The following DLGAP2 variants were observed in gnomAD, a reference collection of about 807,000 sequenced individuals.
DLGAP2 encodes disks large-associated protein 2.
In DLGAP2, 26 loss-of-function variants were observed where a neutral mutation model predicts 100.3. The ratio of observed to expected loss-of-function variants is 0.26; its 90% CI spans 0.19 to 0.36. DLGAP2 has a LOEUF of 0.36. Among genes scored for constraint, DLGAP2 ranks in the 10% least tolerant of loss-of-function variants. DLGAP2 has a pLI of 1.00. For missense variants in DLGAP2, 1,858 were observed against 1,453.2 expected, an observed-to-expected ratio of 1.28 and a Z score of -4.53; for synonymous variants, 886 against 630.1, an observed-to-expected ratio of 1.41 and a Z score of -6.08.
chr8:1,618,712 C>T (rs779962318), intron 6 of DLGAP2, among the ~76,000 whole-genome samples: 15 of 152,166 alleles, frequency 9.9e-5, no homozygotes, highest in Non-Finnish European at 1.5e-5. Flanking sequence ...CTCTCAGCCT[C>T]AGCACTCTTG....
At chr8:895,606 C>T (rs1003282734) in intron 1 of DLGAP2, among the ~76,000 whole-genome samples, 1 of 152,114 alleles carries the variant, frequency 6.6e-6, no homozygotes, top group African/African-American at 2.4e-5. Context: ...ATGTTTGGGG[C>T]CATTGCAGTG....
intron 3 of DLGAP2, among the ~76,000 whole-genome samples, chr8:1,426,095 A>G (rs1462473275): frequency 6.6e-6 from 1 of 152,190 alleles, no homozygotes; most frequent in Non-Finnish European, 1.5e-5. Flanking sequence ...AGAAAGCGTC[A>G]GGGTAGGGCA....
chr8:1,027,451 G>A (rs7815770), intron 2 of DLGAP2, among the ~76,000 whole-genome samples: 5,727 of 148,872 alleles, frequency 0.038, 350 homozygotes, highest in African/African-American at 0.14. Context: ...CCAGGCGCTC[G>A]TTATTCTCCA....
chr8:1,481,874 C>G (rs888198951), intron 3 of DLGAP2, among the ~76,000 whole-genome samples: 6 of 152,192 alleles, frequency 3.9e-5, no homozygotes, highest in African/African-American at 1.4e-4. Flanking sequence ...TGTCAGGGCA[C>G]CCAGTGGGTT....
chr8:1,150,232 G>GT (rs1329530372), intron 2 of DLGAP2, among the ~76,000 whole-genome samples: 1 of 152,130 alleles, frequency 6.6e-6, no homozygotes, highest in Non-Finnish European at 1.5e-5. Context: ...TGAAAAAGAT[G>GT]TTTTCTCAGC....
intron 1 of DLGAP2, among the ~76,000 whole-genome samples, chr8:793,451 G>C (rs1364441331): frequency 6.6e-6 from 1 of 152,110 alleles, no homozygotes; most frequent in Non-Finnish European, 1.5e-5. Context: ...GCTCTCCTTG[G>C]GCTGCCATAG....
rs1797856558 is a variant in DLGAP2 at position 1,200,908 on chromosome 8, C to T, written c.74-57943C>T. On this transcript the variant is annotated intron_variant, in intron 2 of 14. Transcript: ENST00000637795. ...GCTCCCGTGCTCGGTTTCTCCACGCCGCCTCCGGGCGGTGCGCGATTCAGC... is the reference window on the plus strand; with the variant it reads ...GCTCCCGTGCTCGGTTTCTCCACGCTGCCTCCGGGCGGTGCGCGATTCAGC... Among the ~76,000 whole-genome samples the T allele has an allele frequency of 2.0e-5, 3 of 152,244 alleles. No homozygotes were observed. The South Asian group carries it at 6.2e-4, about 32-fold the overall frequency.
chr8:853,195 G>A (rs536302875), intron 1 of DLGAP2, among the ~76,000 whole-genome samples: 5 of 152,328 alleles, frequency 3.3e-5, no homozygotes, highest in African/African-American at 1.2e-4. Context: ...CAGGACAGCT[G>A]TGAGTTGTTA....
intron 1 of DLGAP2, among the ~76,000 whole-genome samples, chr8:844,389 C>A (rs1797035894): frequency 1.3e-5 from 2 of 152,352 alleles, no homozygotes; most frequent in South Asian, 4.1e-4. Flanking sequence ...GCCAGATCAA[C>A]AAAGAAATAT....
intron 1 of DLGAP2, among the ~76,000 whole-genome samples, chr8:771,433 G>T (rs1159107680): frequency 6.6e-6 from 1 of 152,180 alleles, no homozygotes; most frequent in Non-Finnish European, 1.5e-5. Flanking sequence ...TCCTAAAAGG[G>T]TTTTATCCTC....
chr8:1,508,278 A>C (rs556191964), intron 4 of DLGAP2, among the ~76,000 whole-genome samples: 875 of 38,408 alleles, frequency 0.023, 27 homozygotes, highest in Middle Eastern at 0.05. Context: ...CCCCTGCCAT[A>C]CCCCGCAAAC....
chr8:1,069,867 C>G (rs1803374796), intron 2 of DLGAP2, among the ~76,000 whole-genome samples: 1 of 152,070 alleles, frequency 6.6e-6, no homozygotes, highest in South Asian at 2.1e-4. Flanking sequence ...GCGGAAGAGG[C>G]CAGAAGCCAA....
chr8:1,630,602 C>A (rs1049603232), intron 7 of DLGAP2, among the ~76,000 whole-genome samples: 3 of 151,402 alleles, frequency 2.0e-5, no homozygotes, highest in Non-Finnish European at 2.9e-5. Flanking sequence ...CTCGGGAGGC[C>A]GAGGCAGGAG....
intron 5 of DLGAP2, among the ~76,000 whole-genome samples, chr8:1,550,471 C>A (rs1050137310): frequency 6.6e-6 from 1 of 152,122 alleles, no homozygotes; most frequent in Non-Finnish European, 1.5e-5. Context: ...ACAACCACAG[C>A]AAACACAGAC....
intron 3 of DLGAP2, among the ~76,000 whole-genome samples, chr8:1,298,330 C>A (rs1355574508): frequency 6.6e-6 from 1 of 152,218 alleles, no homozygotes; most frequent in Non-Finnish European, 1.5e-5. Context: ...GGTCTGTCGT[C>A]CTGCAGCCTA....
chr8:789,723 G>C (rs1277935032), intron 1 of DLGAP2, among the ~76,000 whole-genome samples: 1 of 152,178 alleles, frequency 6.6e-6, no homozygotes, highest in Non-Finnish European at 1.5e-5. Flanking sequence ...CCTTTGGACG[G>C]CGTCTGCTGT....
At chr8:1,594,320 T>G (rs1796382398) in intron 6 of DLGAP2, among the ~76,000 whole-genome samples, 1 of 152,042 alleles carries the variant, frequency 6.6e-6, no homozygotes. Flanking sequence ...AAACAAGGGA[T>G]ATGAAGATGC....
chr8:1,368,828 C>T (rs1802170464), intron 3 of DLGAP2: 1 of 152,228 alleles, frequency 6.6e-6, no homozygotes. Flanking sequence ...TAAACTTTTA[C>T]TTAGCCTGGA....
At chr8:1,325,324 T>TA (rs1800996146) in intron 3 of DLGAP2, among the ~76,000 whole-genome samples, 2 of 152,292 alleles carry the variant, frequency 1.3e-5, no homozygotes, top group South Asian at 2.1e-4. Context: ...CTTAGCATCT[T>TA]AGAGTTAAAG....
Sources: gnomAD v4.1 joint callset for allele counts (sites outside exome capture counted in the v4.1 genomes callset) on GRCh38, gnomAD v4.1.1 for gene constraint, MANE v1.5 for transcripts, NCBI Gene and HGNC (gene_info 2026-07-23, HGNC 2026-07-21) for gene names.